The following PRSS27 variants were observed in gnomAD, a reference collection of about 807,000 sequenced individuals.
PRSS27 encodes serine protease 27.
A neutral mutation model predicts 32.0 loss-of-function variants in PRSS27; 25 were observed. The observed-to-expected ratio is 0.78, with a 90% CI of 0.57 to 1.09. The LOEUF is 1.09. PRSS27 is among the 50% of genes least tolerant of loss of function. The pLI is 0.00. For missense variants in PRSS27, 401 were observed against 394.9 expected, an observed-to-expected ratio of 1.02 and a Z score of -0.13; for synonymous variants, 178 against 172.2, an observed-to-expected ratio of 1.03 and a Z score of -0.26.
At chr16:2,713,315 G>C (rs754778968) in intron 5 of PRSS27, 9 of 590,784 alleles carry the variant, frequency 1.5e-5, no homozygotes, top group South Asian at 1.1e-4. Flanking sequence ...AGCCAGGATG[G>C]TCTCCATCTC....
At position 2,714,368 on chromosome 16, in the gene PRSS27, C is replaced by T. The variant is rs530715262; in HGVS notation, c.237-32G>A. On this transcript the variant is annotated intron_variant, in intron 3 of 5. Coordinates refer to ENST00000302641, the MANE Select transcript of PRSS27 (RefSeq NM_031948.5). The surrounding 1 kb of genome is among the most constrained non-coding windows in gnomAD (Gnocchi z 4.7). ...GGAGAAACAGAGAGGCGGCGTGAGGCGGCCCCTCGTGTGGGGACAGGCCCG... is the reference window on the plus strand; with the variant it reads ...GGAGAAACAGAGAGGCGGCGTGAGGTGGCCCCTCGTGTGGGGACAGGCCCG... 3.6e-5 allele frequency: 57 copies of T among 1,605,222 alleles called. No homozygotes were observed. The highest frequency in any genetic ancestry group is 1.3e-4 in the East Asian group (6 of 44,826).
At chr16:2,716,641 G>A (rs955865942) in intron 1 of PRSS27, 115 bp from the exon 2 acceptor site, 4 of 1,036,568 alleles carry the variant, frequency 3.9e-6, no homozygotes, top group East Asian at 2.6e-5. Flanking sequence ...CAGAGGGACA[G>A]TCCACAGAGG....
At chr16:2,715,322 C>G (rs1379845538) in intron 3 of PRSS27, 1 of 180,756 alleles carries the variant, frequency 5.5e-6, no homozygotes, top group African/African-American at 2.4e-5. Flanking sequence ...GCCGTTCTGT[C>G]TGGTCCTTGG....
intron 4 of PRSS27, 89 bp from the exon 5 acceptor site, chr16:2,713,787 G>C (rs957723719): frequency 2.1e-6 from 3 of 1,402,322 alleles, no homozygotes; most frequent in Non-Finnish European, 3.0e-6. Context: ...CCTGCCTGTC[G>C]TTTCCTCATG....
At chr16:2,713,209 C>G (rs2067675376) in intron 5 of PRSS27, 2 of 455,178 alleles carry the variant, frequency 4.4e-6, no homozygotes, top group Middle Eastern at 6.6e-4. Flanking sequence ...CGCCATTCTC[C>G]TGCCTCAGCC....
chr16:2,716,726 C>A, intron 1 of PRSS27, 200 bp from the exon 2 acceptor site: 1 of 598,894 alleles, frequency 1.7e-6, no homozygotes, highest in East Asian at 2.8e-5. Flanking sequence ...GGCCCAGGCC[C>A]ATGGGCCACA....
In PRSS27 at chr16:2,715,888, A is replaced by G; in HGVS notation, c.74-8T>C. 3.2e-6 allele frequency: 5 copies of G among 1,551,910 alleles called. No homozygotes were observed. Among genetic ancestry groups the G allele is most frequent in the Non-Finnish European group, 3.5e-6 (4 of 1,147,288 alleles). On this transcript the variant is annotated splice_polypyrimidine_tract_variant and splice_region_variant and intron_variant, in intron 2 of 5. Transcript: ENST00000302641. The stretch of plus-strand genomic sequence containing the variant: ...TCCTGGGGCGACCACAGGCTGGGGG[A>G]GCATGGGGAGCGGGTGGGGGCGCTC...
intron 1 of PRSS27, 62 bp from the exon 2 acceptor site, chr16:2,716,588 C>T: frequency 1.3e-6 from 2 of 1,504,564 alleles, no homozygotes; most frequent in Admixed American, 1.9e-5. Context: ...CTCCCCAACC[C>T]TGCAGCCCCT....
chr16:2,715,946 C>G (rs1280459458), intron 2 of PRSS27, 66 bp from the exon 3 acceptor site: 2 of 1,367,840 alleles, frequency 1.5e-6, no homozygotes, highest in Non-Finnish European at 2.0e-6. Context: ...AGGCCCAGCT[C>G]TCAGCCTCAC....
chr16:2,713,211 G>A (rs750384639), intron 5 of PRSS27: 83 of 455,256 alleles, frequency 1.8e-4, no homozygotes, highest in Non-Finnish European at 2.8e-4. Context: ...CCATTCTCCT[G>A]CCTCAGCCTC....
rs577929781 is a variant in PRSS27 at position 2,719,557 on chromosome 16, C to T, written c.46+558G>A. On this transcript the variant is annotated intron_variant, in intron 1 of 5. Coordinates refer to ENST00000302641, the MANE Select transcript of PRSS27 (RefSeq NM_031948.5). ...CCTGACCCAGGACTGGGAGAGGGCA[C>T]GGTGGCGCATCACCGGTTCCTCTGT... 7.9e-5 allele frequency among the ~76,000 whole-genome samples: 12 copies of T among 152,230 alleles called. No individual in the cohort carries two copies. The East Asian group carries it at 1.9e-3, about 24-fold the overall frequency.
chr16:2,715,709 C>A lies in PRSS27; in HGVS notation c.236+9G>T, dbSNP rs912319884. ...CGCTATGGGCGGGGGCAGGGGCGGG[C>A]GGACTCACTTGCGGAAGCAGTGCGC... On this transcript the variant is annotated intron_variant, in intron 3 of 5. Transcript: ENST00000302641. 2.0e-5 allele frequency: 30 copies of A among 1,516,492 alleles called. No homozygotes were observed. Among genetic ancestry groups the A allele is most frequent in the Non-Finnish European group, 2.6e-5 (29 of 1,135,456 alleles). The allele number at this position is 1,516,492 out of a possible 1,614,324, so 93.9% of individuals were successfully genotyped here.
chr16:2,713,663 C>T lies in PRSS27; in HGVS notation c.544G>A (p.Ala182Thr), dbSNP rs138566535. Residue 182 changes from alanine to threonine, a missense_variant, in exon 5 of 6, where the codon GCT becomes ACT. Physicochemically the swap from Ala to Thr is moderately conservative, Grantham distance 58. Transcript: ENST00000302641. ...TTGGGTGTGTCGATGATGGGCACAG[C>T]GAGTTTCTGCAGGATCCGCGGTTCG... ...LPEPRILQKL[A>T]VPIIDTPKCN... The T allele has an allele frequency of 5.0e-5, 81 of 1,614,104 alleles. No homozygotes were observed. In the Admixed American group the frequency reaches 8.3e-4, roughly 17 times the overall value.
intron 2 of PRSS27, chr16:2,716,116 T>G (rs1372201691): frequency 5.7e-6 from 3 of 525,396 alleles, no homozygotes; most frequent in African/African-American, 3.9e-5. Context: ...ACCTGCCTCT[T>G]GGGGGCCACG....
chr16:2,718,008 T>G (rs1300636336), intron 1 of PRSS27: 2 of 152,210 alleles, frequency 1.3e-5, no homozygotes, highest in African/African-American at 4.8e-5. Flanking sequence ...CCCTTTAAAA[T>G]GCAAACACTA....
rs561113150 is a variant in PRSS27, at chr16:2,714,009, C to T, written c.508+56G>A. On this transcript the variant is annotated intron_variant, in intron 4 of 5. Coordinates refer to ENST00000302641, the MANE Select transcript of PRSS27 (RefSeq NM_031948.5). The surrounding 1 kb of genome is among the most constrained non-coding windows in gnomAD (Gnocchi z 4.7). ...TGTGGGTTCAGAGTGGTCCCCAAGC[C>T]GTCCTGGGCCTTCTTGAGGCATATC... is the stretch of plus-strand genomic sequence containing the variant. 2.7e-5 allele frequency: 41 copies of T among 1,527,484 alleles called. No individual in the cohort carries two copies. In the African/African-American group the frequency reaches 2.8e-4, roughly 10 times the overall value. The allele number at this position is 1,527,484 out of a possible 1,614,324, so 94.6% of individuals were successfully genotyped here.
chr16:2,714,622 G>C lies in PRSS27; in HGVS notation c.237-286C>G. 1 of 472,792 alleles carries C rather than the reference G, an allele frequency of 2.1e-6. No individual in the cohort carries two copies. The highest frequency in any genetic ancestry group is 3.9e-6 in the Non-Finnish European group (1 of 258,700). 29.3% of individuals were successfully genotyped at this position (472,792 alleles called of 1,614,324 possible). ...CTTTCTCACCTGTGCTGTGGGGACA[G>C]TCACAGTGCCTACCTGAAAGGCTGG... On this transcript the variant is annotated intron_variant, in intron 3 of 5. Transcript: ENST00000302641. The surrounding 1 kb of genome is among the most constrained non-coding windows in gnomAD (Gnocchi z 4.7).
At chr16:2,720,032 G>T in intron 1 of PRSS27, 83 bp downstream of exon 1, 2 of 1,287,910 alleles carry the variant, frequency 1.6e-6, no homozygotes, top group Non-Finnish European at 1.1e-6. Context: ...CCAGGGAGTA[G>T]GGGGCTGAGC....
At position 2,714,233 on chromosome 16, in the gene PRSS27, G is replaced by T. The variant is rs752136495; in HGVS notation, c.340C>A (p.Pro114Thr). ...YARVRQVESNPLYQGTASSAD... is the reference protein window; with the variant it reads ...YARVRQVESNTLYQGTASSAD... ...CTGGAGGCCGTGCCCTGGTACAGGG[G>T]GTTGCTCTCCACCTGCCTCACCCGG... The change falls in exon 4 of 6, where the codon CCC (proline) becomes ACC (threonine). Residue 114 changes from proline (P) to threonine (T), a missense_variant. Pro to Thr is a conservative substitution (Grantham distance 38). Transcript: ENST00000302641. The surrounding 1 kb of genome is among the most constrained non-coding windows in gnomAD (Gnocchi z 4.7). 1.2e-6 allele frequency: 2 copies of T among 1,613,718 alleles called. No individual in the cohort carries two copies. Among genetic ancestry groups the T allele is most frequent in the Non-Finnish European group, 1.7e-6 (2 of 1,179,912 alleles).
Sources: gnomAD v4.1 joint callset for allele counts (sites outside exome capture counted in the v4.1 genomes callset) on GRCh38, gnomAD v4.1.1 for gene constraint, Gnocchi (gnomAD v3.1) non-coding constraint, MANE v1.5 for transcripts, NCBI Gene and HGNC (gene_info 2026-07-23, HGNC 2026-07-21) for gene names.